PRRC2B: variants seen among roughly 807,000 people sequenced by gnomAD.
PRRC2B encodes the protein protein PRRC2B.
PRRC2B carries 68 observed loss-of-function variants against 242.3 expected under a neutral mutation model. The observed-to-expected ratio is 0.28, with a 90% CI of 0.23 to 0.34. PRRC2B has a LOEUF of 0.34. Ranked by LOEUF, PRRC2B falls within the 10% of genes least tolerant of loss-of-function variation. The probability of loss-of-function intolerance (pLI) is 1.00; values close to 1 mark genes in which losing one functional copy is unlikely to be tolerated. For synonymous variants in PRRC2B, 1,228 were observed against 1,173.6 expected, an observed-to-expected ratio of 1.05 and a Z score of -0.95; for missense variants, 2,835 against 2,954.8, an observed-to-expected ratio of 0.96 and a Z score of 0.94.
In PRRC2B at chr9:131,499,351, C is replaced by T. The variant is rs753646116; in HGVS notation, c.*3477C>T. ...TTGGTTCCCCTGTGCCAAGTAGCTG[C>T]AGGCTGCCCCTCAAATCTTCATTTG... On this transcript the variant is annotated 3_prime_UTR_variant, in exon 32 of 32. Coordinates refer to ENST00000683519, the MANE Select transcript of PRRC2B (RefSeq NM_013318.4). 2.6e-5 allele frequency: 4 copies of T among 152,232 alleles called. No individual in the cohort carries two copies. Among genetic ancestry groups the T allele is most frequent in the Non-Finnish European group, 4.4e-5 (3 of 68,042 alleles). 9.4% of individuals were successfully genotyped at this position (152,232 alleles called of 1,614,324 possible).
intron 1 of PRRC2B, among the ~76,000 whole-genome samples, chr9:131,403,837 G>C (rs1464609435): frequency 6.6e-6 from 1 of 151,856 alleles, no homozygotes; most frequent in African/African-American, 2.4e-5. Context: ...AACAAAAATG[G>C]GATATACTAT....
In PRRC2B at chr9:131,463,006, G is replaced by A. The variant is rs1222877368; in HGVS notation, c.1405-1757G>A. Among the ~76,000 whole-genome samples, 6 of 152,090 alleles carry A rather than the reference G, an allele frequency of 3.9e-5. No homozygotes were observed. The East Asian group carries it at 1.2e-3, about 29-fold the overall frequency. On this transcript the variant is annotated intron_variant, in intron 11 of 31. Coordinates refer to ENST00000683519, the MANE Select transcript of PRRC2B (RefSeq NM_013318.4). Reference sequence around the variant, plus strand: ...CTTTCCAGGAAATTATCTGAAGGAAGTAATCAGGGCTAGGCGTGAAGGCTA... The same window carrying A: ...CTTTCCAGGAAATTATCTGAAGGAAATAATCAGGGCTAGGCGTGAAGGCTA...
intron 1 of PRRC2B, among the ~76,000 whole-genome samples, chr9:131,424,365 C>T (rs1318388835): frequency 6.6e-6 from 1 of 152,126 alleles, no homozygotes; most frequent in Non-Finnish European, 1.5e-5. Context: ...CAATAGCGTG[C>T]CCAACAAGTG....
At chr9:131,469,477 G>T (rs1023212801) in intron 13 of PRRC2B, among the ~76,000 whole-genome samples, 1 of 152,206 alleles carries the variant, frequency 6.6e-6, no homozygotes, top group Non-Finnish European at 1.5e-5. Flanking sequence ...TCTGTGGACT[G>T]GGAGAGTGAA....
chr9:131,397,285 G>C (rs1457700054), intron 1 of PRRC2B, among the ~76,000 whole-genome samples: 1 of 152,208 alleles, frequency 6.6e-6, no homozygotes, highest in Non-Finnish European at 1.5e-5. Context: ...TAAGCCCACT[G>C]TGTGGGCGTC....
At chr9:131,385,272 CGGAAGT>C (rs1370769484) in intron 1 of PRRC2B, among the ~76,000 whole-genome samples, 1 of 149,184 alleles carries the variant, frequency 6.7e-6, no homozygotes, top group Non-Finnish European at 1.5e-5. Flanking sequence ...ACCTGGTAGG[CGGAAGT>C]GGCAGTGAGC....
chr9:131,376,899 C>G (rs538928015), intron 1 of PRRC2B, among the ~76,000 whole-genome samples: 2 of 151,952 alleles, frequency 1.3e-5, no homozygotes, highest in East Asian at 3.9e-4. Flanking sequence ...CCCAGGTACT[C>G]GAGACACTGA....
chr9:131,464,826 C>A lies in PRRC2B; in HGVS notation c.1468C>A (p.Pro490Thr). Residue 490 changes from proline to threonine, a missense_variant, in exon 12 of 32, where the codon CCA becomes ACA. Transcript: ENST00000683519. ...SIEDKEDKPP[P>T]RQKFIQSEMS... ...CGAGGACAAGGAGGACAAGCCCCCA[C>A]CAAGGCAGAAGTTCATTCAGTCAGA... 1.2e-6 allele frequency: 2 copies of A among 1,613,364 alleles called. No homozygotes were observed. Among genetic ancestry groups the A allele is most frequent in the Non-Finnish European group, 1.7e-6 (2 of 1,179,516 alleles).
chr9:131,392,172 C>T (rs1012101426), upstream of PRRC2B, among the ~76,000 whole-genome samples: 1 of 151,326 alleles, frequency 6.6e-6, no homozygotes, highest in Admixed American at 6.6e-5. Context: ...GATCTCGGCT[C>T]AGTGCAACCT....
chr9:131,467,911 C>T (rs1382851190), intron 13 of PRRC2B, among the ~76,000 whole-genome samples, 158 bp downstream of exon 13: 4 of 152,204 alleles, frequency 2.6e-5, no homozygotes, highest in African/African-American at 4.8e-5. Context: ...AGTTGTACCT[C>T]AAAACTTGTG....
Position 131,473,718 on chromosome 9 carries a change from GTGTCAGGTGAGATGAA to G in PRRC2B, c.2319_2324+10del. Reference sequence around the variant, plus strand: ...AGTGACACCTTGGCTATGGACATGCGTGTCAGGTGAGATGAAGCCTGGTCCTGCTGCCTTGCCACTG... The same window carrying G: ...AGTGACACCTTGGCTATGGACATGCGGCCTGGTCCTGCTGCCTTGCCACTG... On this transcript the variant is annotated splice_donor_variant and splice_donor_5th_base_variant and coding_sequence_variant and intron_variant, in exon 15 of 32. Coordinates refer to ENST00000683519, the MANE Select transcript of PRRC2B (RefSeq NM_013318.4). LOFTEE classifies it high-confidence loss of function. The G allele has an allele frequency of 6.2e-7, 1 of 1,612,582 alleles. No individual in the cohort carries two copies.
chr9:131,437,824 C>T (rs960508242), intron 4 of PRRC2B, among the ~76,000 whole-genome samples: 8 of 152,216 alleles, frequency 5.3e-5, no homozygotes, highest in Non-Finnish European at 1.2e-4. Flanking sequence ...CTTTCTGCTT[C>T]CCAGAATTTG....
At chr9:131,493,071 C>T (rs1006470824) in intron 30 of PRRC2B, among the ~76,000 whole-genome samples, 3 of 152,202 alleles carry the variant, frequency 2.0e-5, no homozygotes, top group Non-Finnish European at 4.4e-5. Context: ...ACTTGTGGGC[C>T]TGAGGAGCGC....
rs1315056727 is a variant in PRRC2B at position 131,381,060 on chromosome 9, CA to C, written c.-56+7330del. Reference sequence around the variant, plus strand: ...ACTTCTGAGATACCGGCCTACGCTACATAGGGCAAGACTTGATTACTAAATT... The same window carrying C: ...ACTTCTGAGATACCGGCCTACGCTACTAGGGCAAGACTTGATTACTAAATT... On this transcript the variant is annotated intron_variant, in intron 1 of 1. Transcript: ENST00000682525. 1.4e-4 allele frequency among the ~76,000 whole-genome samples: 22 copies of C among 152,264 alleles called. No individual in the cohort carries two copies. The South Asian group carries it at 2.1e-3, about 14-fold the overall frequency.
At chr9:131,477,439 C>T (rs552946580) in intron 16 of PRRC2B, among the ~76,000 whole-genome samples, 8 of 152,322 alleles carry the variant, frequency 5.3e-5, no homozygotes, top group South Asian at 2.1e-4. Flanking sequence ...GAAATGCTGG[C>T]GTCTCCATTC....
chr9:131,397,131 C>T (rs1481694645), intron 1 of PRRC2B, among the ~76,000 whole-genome samples: 1 of 152,204 alleles, frequency 6.6e-6, no homozygotes, highest in African/African-American at 2.4e-5. Flanking sequence ...TCTGACTTCA[C>T]TCGGGCCCAG....
At chr9:131,406,299 C>T (rs976614721) in intron 1 of PRRC2B, among the ~76,000 whole-genome samples, 19 of 152,192 alleles carry the variant, frequency 1.2e-4, no homozygotes, top group Non-Finnish European at 2.2e-4. Context: ...CTCTTCTGTA[C>T]ATCTCTCCAC....
rs1944214579 is a variant in PRRC2B, at chr9:131,492,179, T to C, written c.6392T>C (p.Met2131Thr). 5.0e-6 allele frequency: 8 copies of C among 1,613,304 alleles called. No homozygotes were observed. In the South Asian group the frequency reaches 7.7e-5, roughly 15 times the overall value. The stretch of plus-strand genomic sequence containing the variant: ...GCTTGGTCTCTCTAGCCCTCTCAGA[T>C]GGAGATGAAAGGCTTCCACTTTGCC... ...VLNTSREPSQ[M>T]EMKGFHFADS... Residue 2131 changes from methionine (M) to threonine (T), a missense_variant, in exon 30 of 32, where the codon ATG becomes ACG. Coordinates refer to ENST00000683519, the MANE Select transcript of PRRC2B (RefSeq NM_013318.4).
intron 3 of PRRC2B, among the ~76,000 whole-genome samples, chr9:131,435,611 T>G (rs1046337537): frequency 1.1e-5 from 1 of 90,298 alleles, no homozygotes; most frequent in Non-Finnish European, 2.1e-5. Flanking sequence ...TGAGACTCCA[T>G]CTAAAAAAAA....
Sources: gnomAD v4.1 joint callset for allele counts (sites outside exome capture counted in the v4.1 genomes callset) on GRCh38, gnomAD v4.1.1 for gene constraint, MANE v1.5 for transcripts, NCBI Gene and HGNC (gene_info 2026-07-23, HGNC 2026-07-21) for gene names.